The following FRMD6 variants were observed in gnomAD, a reference collection of about 807,000 sequenced individuals.
The protein encoded by FRMD6 is FERM domain-containing protein 6.
A neutral mutation model predicts 73.2 loss-of-function variants in FRMD6; 37 were observed. That is an observed-to-expected ratio of 0.51 (90% CI 0.39 to 0.66). FRMD6 has a LOEUF of 0.66. Ranked by LOEUF, FRMD6 falls within the 30% of genes least tolerant of loss-of-function variation. The pLI is 0.00. For synonymous variants in FRMD6, 273 were observed against 282.2 expected, an observed-to-expected ratio of 0.97 and a Z score of 0.33; for missense variants, 714 against 780.5, an observed-to-expected ratio of 0.91 and a Z score of 1.02.
At chr14:51,455,012 A>G in the FRMD6 span, among the ~76,000 whole-genome samples, 4 of 152,232 alleles carry the variant, frequency 2.6e-5, no homozygotes, top group Non-Finnish European at 5.9e-5. Context: ...CTGGTTCAGA[A>G]TTTCCCAAAC....
At chr14:51,712,207 T>C (rs1170394566) in intron 8 of FRMD6, among the ~76,000 whole-genome samples, 2 of 152,190 alleles carry the variant, frequency 1.3e-5, no homozygotes, top group Non-Finnish European at 2.9e-5. Flanking sequence ...ATCTCTTGAA[T>C]ACCTGAGTCC....
At chr14:51,635,425 T>C (rs997703500) in intron 2 of FRMD6, among the ~76,000 whole-genome samples, 6 of 152,204 alleles carry the variant, frequency 3.9e-5, no homozygotes, top group Non-Finnish European at 8.8e-5. Context: ...AGAGTCTAGC[T>C]GTGTGCTTTT....
the FRMD6 span, among the ~76,000 whole-genome samples, chr14:51,408,219 C>G: frequency 6.6e-6 from 1 of 151,116 alleles, no homozygotes; most frequent in Non-Finnish European, 1.5e-5. Flanking sequence ...TGCAGTGGTA[C>G]AGTCATGACC....
At chr14:51,574,639 A>G (rs1172138540) in intron 2 of FRMD6, among the ~76,000 whole-genome samples, 1 of 152,016 alleles carries the variant, frequency 6.6e-6, no homozygotes, top group Admixed American at 6.6e-5. Context: ...TCATGGGTAT[A>G]GAGAGTAGAA....
Position 51,719,905 on chromosome 14 carries a change from C to G in FRMD6, c.1025-150C>G, listed in dbSNP as rs1897438619. ...TGGTTTTTATTCATTTTTCAGTCTT[C>G]TGAAGTCAAATTCCTATCTAAATTA... On this transcript the variant is annotated intron_variant, in intron 10 of 13. Transcript: ENST00000344768. 6.4e-6 allele frequency: 4 copies of G among 628,744 alleles called. No individual in the cohort carries two copies. In the South Asian group the frequency reaches 8.4e-5, roughly 13 times the overall value. The allele number at this position is 628,744 out of a possible 1,614,324, so 38.9% of individuals were successfully genotyped here.
intron 2 of FRMD6, among the ~76,000 whole-genome samples, chr14:51,631,877 C>T (rs1891350411): frequency 6.6e-6 from 1 of 152,160 alleles, no homozygotes; most frequent in African/African-American, 2.4e-5. Flanking sequence ...GCAACAAATT[C>T]TGATTGGTGT....
At chr14:51,504,155 T>C (rs1355707535) in intron 1 of FRMD6, among the ~76,000 whole-genome samples, 1 of 152,234 alleles carries the variant, frequency 6.6e-6, no homozygotes, top group African/African-American at 2.4e-5. Context: ...TGTTTGTTTT[T>C]CTTTTAACAG....
At chr14:51,639,057 ATTTT>A (rs534752515) in intron 2 of FRMD6, among the ~76,000 whole-genome samples, 1 of 147,838 alleles carries the variant, frequency 6.8e-6, no homozygotes, top group Admixed American at 6.8e-5. Context: ...AAGTGTCAGG[ATTTT>A]TTTTTTTTAT....
chr14:51,480,425 A>G, the FRMD6 span, among the ~76,000 whole-genome samples: 6 of 152,192 alleles, frequency 3.9e-5, no homozygotes, highest in African/African-American at 1.4e-4. Context: ...GTCCTCTCCA[A>G]TCTTCTTTTA....
chr14:51,482,498 A>G, the FRMD6 span, among the ~76,000 whole-genome samples: 1 of 152,200 alleles, frequency 6.6e-6, no homozygotes, highest in African/African-American at 2.4e-5. Flanking sequence ...GAGAGTCGGC[A>G]TTGTGCATTT....
the FRMD6 span, among the ~76,000 whole-genome samples, chr14:51,457,589 T>G: frequency 6.6e-5 from 10 of 152,214 alleles, no homozygotes; most frequent in Admixed American, 6.5e-4. Flanking sequence ...TCCTAAATAT[T>G]ACACCTGAGC....
At position 51,719,078 on chromosome 14, in the gene FRMD6, A is replaced by G. The variant is rs542070719; in HGVS notation, c.1025-977A>G. ...ATTTTTAACATTGTTTTATTGTATT[A>G]TTTCTCACCAGTATTAAAAAGGCAA... is the stretch of plus-strand genomic sequence containing the variant. On this transcript the variant is annotated intron_variant, in intron 10 of 13. Transcript: ENST00000344768. Among the ~76,000 whole-genome samples, 7 of 152,276 alleles carry G rather than the reference A, an allele frequency of 4.6e-5. No homozygotes were observed. The East Asian group carries it at 1.3e-3, about 29-fold the overall frequency.
intron 2 of FRMD6, among the ~76,000 whole-genome samples, chr14:51,600,931 T>G (rs1039743303): frequency 3.3e-5 from 5 of 152,244 alleles, no homozygotes; most frequent in African/African-American, 4.8e-5. Context: ...AATATGCATA[T>G]TATTTTAATA....
At chr14:51,569,066 G>A (rs1028703584) in intron 1 of FRMD6, among the ~76,000 whole-genome samples, 10 of 151,954 alleles carry the variant, frequency 6.6e-5, no homozygotes, top group African/African-American at 9.7e-5. Context: ...GGCTGGTCTC[G>A]AACTCCTGAC....
chr14:51,690,489 G>A (rs1173051829), intron 2 of FRMD6, among the ~76,000 whole-genome samples: 1 of 152,082 alleles, frequency 6.6e-6, no homozygotes, highest in Non-Finnish European at 1.5e-5. Flanking sequence ...GGGTTCAAGC[G>A]ATTCTCCTGC....
rs927185721 is a variant in FRMD6, at chr14:51,728,212, G to T, written c.*183G>T. The T allele has an allele frequency of 5.1e-6, 3 of 592,820 alleles. No homozygotes were observed. In the African/African-American group the frequency reaches 5.5e-5, roughly 11 times the overall value. 36.7% of individuals were successfully genotyped at this position (592,820 alleles called of 1,614,324 possible). ...ATTGCACTTTAAGTATTACACAGAAGTAAAAGAACTACAGAAAATGTACAG... is the reference window on the plus strand; with the variant it reads ...ATTGCACTTTAAGTATTACACAGAATTAAAAGAACTACAGAAAATGTACAG... On this transcript the variant is annotated 3_prime_UTR_variant, in exon 14 of 14. Coordinates refer to ENST00000344768, the MANE Select transcript of FRMD6 (RefSeq NM_001267046.2).
At chr14:51,668,068 A>G (rs951613966) in intron 1 of FRMD6, among the ~76,000 whole-genome samples, 2 of 152,318 alleles carry the variant, frequency 1.3e-5, no homozygotes, top group African/African-American at 2.4e-5. Flanking sequence ...TTCTTGAACT[A>G]GGCTCATGTT....
At chr14:51,483,901 A>G in the FRMD6 span, among the ~76,000 whole-genome samples, 2 of 152,332 alleles carry the variant, frequency 1.3e-5, no homozygotes, top group East Asian at 1.9e-4. Flanking sequence ...CGTCATATCT[A>G]TATTCATCCA....
the FRMD6 span, among the ~76,000 whole-genome samples, chr14:51,439,645 A>C: frequency 1.3e-5 from 2 of 152,282 alleles, no homozygotes; most frequent in South Asian, 2.1e-4. Flanking sequence ...CAAAGGTAAG[A>C]TATCTTAACC....
Sources: allele counts gnomAD v4.1 joint callset (sites outside exome capture counted in the v4.1 genomes callset), GRCh38; gene constraint gnomAD v4.1.1; transcripts MANE v1.5; gene names NCBI Gene and HGNC (gene_info 2026-07-23, HGNC 2026-07-21).